BTF3L4: variants seen among roughly 807,000 people sequenced by gnomAD.
BTF3L4 encodes basic transcription factor 3 like 4, also known as transcription factor BTF3 homolog 4.
BTF3L4 carries 6 observed loss-of-function variants against 16.8 expected under a neutral mutation model. The observed-to-expected ratio is 0.36, with a 90% CI of 0.20 to 0.71. BTF3L4 has a LOEUF of 0.71. BTF3L4 is among the 30% of genes least tolerant of loss of function. The pLI is 0.58. For synonymous variants in BTF3L4, 39 were observed against 59.8 expected (o/e 0.65, Z 1.60); for missense variants, 92 against 186.9 (o/e 0.49, Z 2.96).
intron 1 of BTF3L4, among the ~76,000 whole-genome samples, chr1:52,059,300 T>A (rs2124410909): frequency 6.6e-6 from 1 of 152,366 alleles, no homozygotes; most frequent in South Asian, 2.1e-4. Context: ...AGGACATGAC[T>A]ACTTGATATC....
At position 52,089,180 on chromosome 1, in the gene BTF3L4, A is replaced by G. The variant is rs1475913313; in HGVS notation, c.*2422A>G. The stretch of plus-strand genomic sequence containing the variant: ...CAGAGATGTCTTTATTTTTATTAAT[A>G]CCCATAAAACGTTTGTGTATTTGCT... On this transcript the variant is annotated 3_prime_UTR_variant, in exon 6 of 6. Transcript: ENST00000313334. 2 of 152,150 alleles carry G rather than the reference A, an allele frequency of 1.3e-5. No individual in the cohort carries two copies. Among genetic ancestry groups the G allele is most frequent in the Non-Finnish European group, 2.9e-5 (2 of 68,030 alleles). The allele number at this position is 152,150 out of a possible 1,614,324, so 9.4% of individuals were successfully genotyped here. A position where few individuals can be genotyped will look rare whatever the true frequency, so the allele number is the denominator to read the frequency against.
At chr1:52,071,283 T>G (rs1343956690) in intron 3 of BTF3L4, 13 of 152,254 alleles carry the variant, frequency 8.5e-5, no homozygotes, top group Admixed American at 7.9e-4. Context: ...TCTGTCTTAA[T>G]CAGGGTATAA....
At chr1:52,080,328 T>C (rs1643906414) in intron 3 of BTF3L4, among the ~76,000 whole-genome samples, 1 of 152,140 alleles carries the variant, frequency 6.6e-6, no homozygotes, top group Non-Finnish European at 1.5e-5. Context: ...GTCTTCAGTG[T>C]TTATTTCTTT....
intron 3 of BTF3L4, among the ~76,000 whole-genome samples, chr1:52,076,448 G>A (rs185630966): frequency 2.4e-4 from 36 of 151,640 alleles, no homozygotes; most frequent in Admixed American, 1.3e-3. Flanking sequence ...GTGGTGGCGC[G>A]TGACTCTAAT....
rs560398846 is a variant in BTF3L4 at position 52,082,805 on chromosome 1, T to G, written c.169-535T>G. 3.9e-5 allele frequency among the ~76,000 whole-genome samples: 6 copies of G among 152,082 alleles called. No individual in the cohort carries two copies. The East Asian group carries it at 1.2e-3, about 29-fold the overall frequency. ...CAAAGAATGGCATGATTAGAACAAG[T>G]TGAAATTTTTATAAATGTACTAAGT... On this transcript the variant is annotated intron_variant, in intron 3 of 5. Transcript: ENST00000313334.
chr1:52,075,785 T>C (rs942960314), intron 3 of BTF3L4, among the ~76,000 whole-genome samples: 10 of 152,040 alleles, frequency 6.6e-5, no homozygotes, highest in African/African-American at 2.4e-4. Context: ...TGCCTCAGCC[T>C]CCTGAGTAGC....
chr1:52,075,490 A>G (rs918042436), intron 3 of BTF3L4, among the ~76,000 whole-genome samples: 37 of 149,296 alleles, frequency 2.5e-4, no homozygotes, highest in Admixed American at 2.3e-3. Context: ...CCACTACACT[A>G]CAGCCTGCTG....
intron 3 of BTF3L4, among the ~76,000 whole-genome samples, chr1:52,073,191 G>A (rs1452186663): frequency 6.6e-6 from 1 of 152,134 alleles, no homozygotes; most frequent in Non-Finnish European, 1.5e-5. Flanking sequence ...GGCTGAGGCA[G>A]GAGAATTGCC....
At chr1:52,070,321 TATAATA>T (rs1360479429) in intron 3 of BTF3L4, among the ~76,000 whole-genome samples, 1 of 150,628 alleles carries the variant, frequency 6.6e-6, no homozygotes, top group African/African-American at 2.4e-5. Context: ...GTTCATTTGG[TATAATA>T]GTTCATTTGG....
In BTF3L4 at chr1:52,062,969, C is replaced by T. The variant is rs565619940; in HGVS notation, c.55-1856C>T. On this transcript the variant is annotated intron_variant, in intron 2 of 5. Coordinates refer to ENST00000313334, the MANE Select transcript of BTF3L4 (RefSeq NM_152265.5). Reference sequence around the variant, plus strand: ...CCCTCCTATGAGAATCTAATGCTGCCGCTGATCTGACTGGCTGTGGAGCCC... The same window carrying T: ...CCCTCCTATGAGAATCTAATGCTGCTGCTGATCTGACTGGCTGTGGAGCCC... Among the ~76,000 whole-genome samples the T allele has an allele frequency of 4.6e-5, 7 of 152,298 alleles. No homozygotes were observed. The South Asian group carries it at 1.5e-3, about 32-fold the overall frequency.
chr1:52,064,657 T>G (rs1002935459), intron 2 of BTF3L4, among the ~76,000 whole-genome samples, 168 bp from the exon 3 acceptor site: 2 of 152,218 alleles, frequency 1.3e-5, no homozygotes, highest in African/African-American at 2.4e-5. Flanking sequence ...TTTAGAAATC[T>G]GCGTTAGGCT....
chr1:52,087,504 T>C lies in BTF3L4; in HGVS notation c.*746T>C, dbSNP rs1290097231. On this transcript the variant is annotated 3_prime_UTR_variant, in exon 6 of 6. Coordinates refer to ENST00000313334, the MANE Select transcript of BTF3L4 (RefSeq NM_152265.5). The stretch of plus-strand genomic sequence containing the variant: ...CTTTTGGTAATATTCTTCCTCATCT[T>C]CCACCTAGCTTGAGAAGGATGTTCT... 5 of 152,178 alleles carry C rather than the reference T, an allele frequency of 3.3e-5. No individual in the cohort carries two copies. In the East Asian group the frequency reaches 9.6e-4, roughly 29 times the overall value. 9.4% of individuals were successfully genotyped at this position (152,178 alleles called of 1,614,324 possible).
chr1:52,058,631 C>T (rs1187564392), intron 1 of BTF3L4, among the ~76,000 whole-genome samples: 2 of 147,974 alleles, frequency 1.4e-5, no homozygotes, highest in Non-Finnish European at 3.0e-5. Flanking sequence ...GACGGAGTTT[C>T]GCTCTTGTTG....
chr1:52,077,530 C>A (rs1280425433), intron 3 of BTF3L4, among the ~76,000 whole-genome samples: 1 of 152,190 alleles, frequency 6.6e-6, no homozygotes, highest in African/African-American at 2.4e-5. Flanking sequence ...TGCACTCTAA[C>A]TTGGGTGACA....
intron 1 of BTF3L4, among the ~76,000 whole-genome samples, 171 bp downstream of exon 1, chr1:52,056,550 TG>T (rs1686361333): frequency 6.6e-6 from 1 of 152,216 alleles, no homozygotes; most frequent in East Asian, 1.9e-4. Context: ...GCGGCGCAGC[TG>T]GGGGTCGGCA....
intron 3 of BTF3L4, among the ~76,000 whole-genome samples, chr1:52,083,067 T>C (rs1015376515): frequency 2.0e-5 from 3 of 152,232 alleles, no homozygotes; most frequent in Admixed American, 1.3e-4. Flanking sequence ...AACATGGTCA[T>C]GTACTTCCTT....
At chr1:52,075,512 G>A (rs1292946737) in intron 3 of BTF3L4, among the ~76,000 whole-genome samples, 1 of 140,148 alleles carries the variant, frequency 7.1e-6, no homozygotes, top group East Asian at 2.1e-4. Context: ...GCAACAGAGT[G>A]AGACTACGTC....
At chr1:52,077,107 G>T (rs866424371) in intron 3 of BTF3L4, among the ~76,000 whole-genome samples, 57 of 152,164 alleles carry the variant, frequency 3.7e-4, no homozygotes, top group African/African-American at 1.4e-3. Context: ...GTTTGAGGCT[G>T]CAGTGAGCTG....
chr1:52,076,698 T>A (rs1162508119), intron 3 of BTF3L4, among the ~76,000 whole-genome samples: 1 of 152,222 alleles, frequency 6.6e-6, no homozygotes, highest in Non-Finnish European at 1.5e-5. Context: ...AGCTTTAGCT[T>A]AATAATAGCC....
Sources: gnomAD v4.1 joint callset for allele counts (sites outside exome capture counted in the v4.1 genomes callset) on GRCh38, gnomAD v4.1.1 for gene constraint, MANE v1.5 for transcripts, NCBI Gene and HGNC (gene_info 2026-07-23, HGNC 2026-07-21) for gene names.